Variants in WWOX observed in about 807,000 individuals in gnomAD.
The protein encoded by WWOX is WW domain containing oxidoreductase, also known as WW domain-containing oxidoreductase.
A neutral mutation model predicts 46.2 loss-of-function variants in WWOX; 69 were observed. That is an observed-to-expected ratio of 1.49 (90% CI 1.23 to 1.82). The LOEUF (loss-of-function observed/expected upper bound fraction) is 1.82, where lower values mean the gene tolerates loss of function less well. Ranked by LOEUF, WWOX falls within the 40% of genes most tolerant of loss-of-function variation. WWOX has a pLI of 0.00. For synonymous variants in WWOX, 359 were observed against 202.6 expected, an observed-to-expected ratio of 1.77 and a Z score of -6.56; for missense variants, 919 against 542.6, an observed-to-expected ratio of 1.69 and a Z score of -6.89.
intron 4 of WWOX, among the ~76,000 whole-genome samples, chr16:78,134,015 C>T (rs1465484891): frequency 6.6e-6 from 1 of 152,140 alleles, no homozygotes; most frequent in Admixed American, 6.5e-5. Context: ...TTCAATGTAC[C>T]TAGACTGTTT....
At chr16:78,617,049 T>C (rs1302555120) in intron 8 of WWOX, among the ~76,000 whole-genome samples, 1 of 152,210 alleles carries the variant, frequency 6.6e-6, no homozygotes, top group Non-Finnish European at 1.5e-5. Context: ...ATCTCTAACA[T>C]GCACATGGCC....
chr16:79,056,926 G>A (rs2048273831), intron 8 of WWOX, among the ~76,000 whole-genome samples: 1 of 152,202 alleles, frequency 6.6e-6, no homozygotes, highest in African/African-American at 2.4e-5. Flanking sequence ...AAATTAAGGA[G>A]TGTATAGTCG....
intron 5 of WWOX, among the ~76,000 whole-genome samples, chr16:78,372,701 C>G (rs555865215): frequency 1.3e-5 from 2 of 152,242 alleles, no homozygotes; most frequent in East Asian, 3.9e-4. Flanking sequence ...CAGTTATAGG[C>G]TTTTAAGGTC....
intron 8 of WWOX, among the ~76,000 whole-genome samples, chr16:79,012,664 A>G (rs1455171881): frequency 2.6e-5 from 4 of 152,232 alleles, no homozygotes; most frequent in Non-Finnish European, 4.4e-5. Flanking sequence ...ATGAGGGAAC[A>G]AATATCCAGG....
intron 8 of WWOX, among the ~76,000 whole-genome samples, chr16:78,802,405 C>T (rs916187905): frequency 1.3e-5 from 2 of 151,604 alleles, no homozygotes; most frequent in African/African-American, 4.8e-5. Flanking sequence ...AAGATAAATG[C>T]CGAGGAAGCA....
chr16:79,160,487 G>T (rs1052790830), intron 8 of WWOX, among the ~76,000 whole-genome samples: 1 of 152,130 alleles, frequency 6.6e-6, no homozygotes, highest in Non-Finnish European at 1.5e-5. Context: ...AATAAGAGCC[G>T]ATCATAGGAC....
Position 78,161,143 on chromosome 16 carries a change from CT to C in WWOX, c.410-3033del, listed in dbSNP as rs1455538855. On this transcript the variant is annotated intron_variant, in intron 4 of 8. Coordinates refer to ENST00000566780, the MANE Select transcript of WWOX (RefSeq NM_016373.4). ...ACAGTATACCTTTTCTATTCTTTTA[CT>C]TTTTTTATGCTTATGTTTAAATAAG... Among the ~76,000 whole-genome samples the C allele has an allele frequency of 5.3e-5, 8 of 151,806 alleles. No individual in the cohort carries two copies. In the East Asian group the frequency reaches 7.8e-4, roughly 15 times the overall value.
intron 8 of WWOX, among the ~76,000 whole-genome samples, chr16:78,461,144 A>C (rs1597117376): frequency 1.3e-5 from 2 of 152,198 alleles, no homozygotes; most frequent in East Asian, 3.8e-4. Flanking sequence ...ACTTGATGAA[A>C]ATGAATTGTG....
At chr16:78,383,429 AT>A (rs918489531) in intron 5 of WWOX, among the ~76,000 whole-genome samples, 11 of 152,192 alleles carry the variant, frequency 7.2e-5, no homozygotes, top group African/African-American at 2.4e-4. Context: ...AGCTAAACCA[AT>A]AAAGTGAATT....
At chr16:78,582,748 G>C (rs538778988) in intron 8 of WWOX, among the ~76,000 whole-genome samples, 119 of 152,214 alleles carry the variant, frequency 7.8e-4, no homozygotes, top group African/African-American at 2.8e-3. Context: ...TCATCAATTT[G>C]AGCCAAACTG....
chr16:78,115,427 G>A (rs972689777), intron 4 of WWOX, among the ~76,000 whole-genome samples: 3 of 152,142 alleles, frequency 2.0e-5, no homozygotes, highest in East Asian at 1.9e-4. Flanking sequence ...AACAGGCTCC[G>A]TCTAAGAGTT....
At chr16:78,361,936 A>AT (rs2081418387) in intron 5 of WWOX, among the ~76,000 whole-genome samples, 2 of 147,058 alleles carry the variant, frequency 1.4e-5, no homozygotes, top group South Asian at 4.3e-4. Context: ...TTCTGATTCA[A>AT]TTACTTTATA....
chr16:79,162,828 C>A (rs752385758), intron 8 of WWOX, among the ~76,000 whole-genome samples: 8 of 152,128 alleles, frequency 5.3e-5, no homozygotes, highest in South Asian at 4.1e-4. Context: ...CTTCCCCAAC[C>A]TTCTGCAAAC....
intron 8 of WWOX, among the ~76,000 whole-genome samples, chr16:78,823,579 G>C (rs113154860): frequency 0.044 from 6,675 of 152,166 alleles, 194 homozygotes; most frequent in Admixed American, 0.063. Context: ...TTTAATAAAG[G>C]CTTCATCTGA....
intron 8 of WWOX, among the ~76,000 whole-genome samples, chr16:78,855,982 G>C (rs1205055713): frequency 6.6e-6 from 1 of 152,178 alleles, no homozygotes; most frequent in Non-Finnish European, 1.5e-5. Context: ...GCACGCACAA[G>C]GTACCCAAGA....
At chr16:79,146,842 G>A (rs2050191038) in intron 8 of WWOX, among the ~76,000 whole-genome samples, 2 of 152,120 alleles carry the variant, frequency 1.3e-5, no homozygotes, top group African/African-American at 4.8e-5. Context: ...AATACTGTGT[G>A]AGGTTTAAGG....
chr16:78,474,235 T>G (rs2084302810), intron 8 of WWOX, among the ~76,000 whole-genome samples: 1 of 152,220 alleles, frequency 6.6e-6, no homozygotes, highest in Non-Finnish European at 1.5e-5. Flanking sequence ...AGTTTTATGT[T>G]TGACATTTTG....
At chr16:78,768,141 T>A (rs1320190731) in intron 8 of WWOX, among the ~76,000 whole-genome samples, 1 of 131,416 alleles carries the variant, frequency 7.6e-6, no homozygotes, top group Non-Finnish European at 1.7e-5. Flanking sequence ...TTTTGTCCCT[T>A]TTTTAGGCTG....
chr16:78,636,175 A>T (rs2046564365), intron 8 of WWOX, among the ~76,000 whole-genome samples: 1 of 152,202 alleles, frequency 6.6e-6, no homozygotes, highest in South Asian at 2.1e-4. Context: ...AATGGAAACC[A>T]GGTTATTATT....
Sources: allele counts gnomAD v4.1 joint callset (sites outside exome capture counted in the v4.1 genomes callset), GRCh38; gene constraint gnomAD v4.1.1; transcripts MANE v1.5; gene names NCBI Gene and HGNC (gene_info 2026-07-23, HGNC 2026-07-21).